The following MAP4K5 variants were observed in gnomAD, a reference collection of about 807,000 sequenced individuals.
The protein encoded by MAP4K5 is mitogen-activated protein kinase kinase kinase kinase 5.
MAP4K5 carries 82 observed loss-of-function variants against 135.6 expected under a neutral mutation model. The observed-to-expected ratio is 0.60, with a 90% confidence interval of 0.51 to 0.73. The LOEUF (loss-of-function observed/expected upper bound fraction) is 0.73. Ranked by LOEUF, MAP4K5 falls within the 30% of genes least tolerant of loss-of-function variation. The pLI is 0.00. For missense variants in MAP4K5, 907 were observed against 1,010.9 expected, an observed-to-expected ratio of 0.90 and a Z score of 1.39; for synonymous variants, 347 against 335.0, an observed-to-expected ratio of 1.04 and a Z score of -0.39.
chr14:50,485,752 C>A, intron 4 of MAP4K5, 110 bp from the exon 5 acceptor site: 1 of 642,936 alleles, frequency 1.6e-6, no homozygotes, highest in South Asian at 2.1e-5. Flanking sequence ...CTGTGAAGTG[C>A]AACAGGAAAC....
chr14:50,536,590 G>A (rs1266171382), upstream of MAP4K5, among the ~76,000 whole-genome samples: 1 of 152,174 alleles, frequency 6.6e-6, no homozygotes, highest in Non-Finnish European at 1.5e-5. Flanking sequence ...GGGAAAGTTT[G>A]GAACTTCCTA....
At chr14:50,549,770 G>A (rs1393768009) in intron 1 of MAP4K5, among the ~76,000 whole-genome samples, 1 of 152,240 alleles carries the variant, frequency 6.6e-6, no homozygotes, top group Non-Finnish European at 1.5e-5. Context: ...AGAAAAAAAA[G>A]GAATGGCCTT....
chr14:50,536,436 CA>C (rs34686813), upstream of MAP4K5, among the ~76,000 whole-genome samples: 84,631 of 106,788 alleles, frequency 0.79, 33,952 homozygotes, highest in South Asian at 0.91. Flanking sequence ...AACTCTGTCT[CA>C]AAAAAAAAAA....
intron 8 of MAP4K5, 86 bp downstream of exon 8, chr14:50,476,042 T>C: frequency 1.4e-6 from 1 of 722,426 alleles, no homozygotes; most frequent in Non-Finnish European, 2.2e-6. Context: ...CTGCATAATG[T>C]TAATTCTCAT....
chr14:50,498,753 T>A (rs775498137), intron 3 of MAP4K5, among the ~76,000 whole-genome samples: 11 of 152,308 alleles, frequency 7.2e-5, no homozygotes, highest in Admixed American at 5.9e-4. Context: ...CTTAAAAAAA[T>A]TTTTGTTTAT....
chr14:50,549,347 T>C (rs2038673877), intron 1 of MAP4K5, among the ~76,000 whole-genome samples: 1 of 152,218 alleles, frequency 6.6e-6, no homozygotes, highest in Non-Finnish European at 1.5e-5. Flanking sequence ...CCATCCTCTA[T>C]GCAGATATTC....
intron 11 of MAP4K5, among the ~76,000 whole-genome samples, chr14:50,464,654 A>G (rs1353636269): frequency 2.0e-5 from 3 of 152,226 alleles, no homozygotes; most frequent in African/African-American, 7.2e-5. Context: ...AAGAAGACAT[A>G]AATTAAAGGT....
At chr14:50,474,950 T>C (rs2037062681) in intron 9 of MAP4K5, 127 bp downstream of exon 9, 3 of 775,028 alleles carry the variant, frequency 3.9e-6, no homozygotes, top group African/African-American at 1.7e-5. Flanking sequence ...ACAGAACTTA[T>C]GATACTGTCA....
intron 30 of MAP4K5, among the ~76,000 whole-genome samples, chr14:50,426,286 T>C (rs2056019682): frequency 1.3e-5 from 2 of 152,150 alleles, no homozygotes; most frequent in South Asian, 4.1e-4. Flanking sequence ...GTATCTTTTG[T>C]CTTAAATGAA....
At chr14:50,483,156 A>G (rs2037288635) in intron 5 of MAP4K5, 1 of 152,230 alleles carries the variant, frequency 6.6e-6, no homozygotes, top group South Asian at 2.1e-4. Context: ...ATACTTTTTT[A>G]TAGATCAAGA....
At chr14:50,501,532 T>A (rs530245759) in intron 3 of MAP4K5, among the ~76,000 whole-genome samples, 1 of 151,206 alleles carries the variant, frequency 6.6e-6, no homozygotes, top group Non-Finnish European at 1.5e-5. Context: ...AAAAGAAAAA[T>A]TCAGATTGGG....
At position 50,423,194 on chromosome 14, in the gene MAP4K5, C is replaced by CTATCAG; in HGVS notation, c.2398-24_2398-19dup. 1 of 1,248,858 alleles carries CTATCAG rather than the reference C, an allele frequency of 8.0e-7. No individual in the cohort carries two copies. The highest frequency in any genetic ancestry group is 2.3e-5 in the East Asian group (1 of 42,690). The allele number at this position is 1,248,858 out of a possible 1,614,324, so 77.4% of individuals were successfully genotyped here. Reference sequence around the variant, plus strand: ...TGGGTAACCTAGGAAAGAAAAATACCTATCAGTAACATCTTACTCCCCATA... The same window carrying CTATCAG: ...TGGGTAACCTAGGAAAGAAAAATACCTATCAGTATCAGTAACATCTTACTCCCCATA... On this transcript the variant is annotated intron_variant, in intron 31 of 32. Transcript: ENST00000682126.
chr14:50,451,179 G>C (rs2036476460), intron 14 of MAP4K5, among the ~76,000 whole-genome samples: 1 of 151,816 alleles, frequency 6.6e-6, no homozygotes, highest in Non-Finnish European at 1.5e-5. Flanking sequence ...GAAATTCACT[G>C]AACAGTAGAC....
At chr14:50,515,819 C>T (rs2038023196) in intron 2 of MAP4K5, among the ~76,000 whole-genome samples, 1 of 152,152 alleles carries the variant, frequency 6.6e-6, no homozygotes. Context: ...CTTTATCTAA[C>T]ATTCACCTAT....
intron 9 of MAP4K5, chr14:50,471,804 T>C (rs1201383075): frequency 1.3e-5 from 2 of 152,162 alleles, no homozygotes; most frequent in Non-Finnish European, 2.9e-5. Flanking sequence ...AAAGAAATAA[T>C]ACTAGACAGA....
At chr14:50,518,761 A>G (rs2038086812) in intron 2 of MAP4K5, among the ~76,000 whole-genome samples, 1 of 152,190 alleles carries the variant, frequency 6.6e-6, no homozygotes, top group South Asian at 2.1e-4. Flanking sequence ...TCTAACACAG[A>G]CTGATTTTAT....
intron 26 of MAP4K5, among the ~76,000 whole-genome samples, chr14:50,435,610 G>A (rs964067869): frequency 6.6e-6 from 1 of 151,576 alleles, no homozygotes; most frequent in Non-Finnish European, 1.5e-5. Flanking sequence ...GGACTCAACC[G>A]ATCTTCCCAT....
chr14:50,475,688 CAG>C (rs1032937392), intron 8 of MAP4K5, among the ~76,000 whole-genome samples: 2 of 152,104 alleles, frequency 1.3e-5, no homozygotes, highest in Non-Finnish European at 2.9e-5. Context: ...GCCTGAATGA[CAG>C]AGTGAGACCA....
rs368766304 is a variant in MAP4K5, at chr14:50,514,564, T to A, written c.109-9707A>T. ...AAATACTACAGAGTGTGAAAAATGCTCTCATAGATGACACAAGTCAACATT... is the reference window on the plus strand; with the variant it reads ...AAATACTACAGAGTGTGAAAAATGCACTCATAGATGACACAAGTCAACATT... On this transcript the variant is annotated intron_variant, in intron 2 of 32. Coordinates refer to ENST00000682126, the MANE Select transcript of MAP4K5 (RefSeq NM_006575.6). Among the ~76,000 whole-genome samples the A allele has an allele frequency of 7.2e-5, 11 of 152,280 alleles. No homozygotes were observed. The East Asian group carries it at 7.7e-4, about 11-fold the overall frequency.
Sources: allele counts gnomAD v4.1 joint callset (sites outside exome capture counted in the v4.1 genomes callset), GRCh38; gene constraint gnomAD v4.1.1; transcripts MANE v1.5; gene names NCBI Gene and HGNC (gene_info 2026-07-23, HGNC 2026-07-21).